DNAH6: variants seen among roughly 807,000 people sequenced by gnomAD.
The protein encoded by DNAH6 is dynein axonemal heavy chain 6, also known as axonemal beta dynein heavy chain 6.
Under a neutral mutation model 491.4 loss-of-function variants are expected in DNAH6, and 340 were observed. The ratio of observed to expected loss-of-function variants is 0.69; its 90% CI spans 0.63 to 0.76. The LOEUF is 0.76. Ranked by LOEUF, DNAH6 falls within the 30% of genes least tolerant of loss-of-function variation. The pLI is 0.00. For missense variants in DNAH6, 4,443 were observed against 4,972.2 expected (o/e 0.89, Z 3.20); for synonymous variants, 1,603 against 1,686.1 (o/e 0.95, Z 1.21).
the DNAH6 span, among the ~76,000 whole-genome samples, chr2:84,466,742 T>C: frequency 1.3e-5 from 2 of 152,354 alleles, no homozygotes; most frequent in East Asian, 3.9e-4. Flanking sequence ...AGTTCTATAA[T>C]TGATTATAAA....
In DNAH6 at chr2:84,577,384, T is replaced by G; in HGVS notation, c.2052T>G (p.Ile684Met). The change falls in exon 13 of 77, where the codon ATT becomes ATG. Residue 684 changes from isoleucine (I) to methionine (M), a missense_variant. Transcript: ENST00000389394. The stretch of plus-strand genomic sequence containing the variant: ...CTAGGCTTCTAAGAGAAAAATTAAT[T>G]CCATCACCTTTGCGATGCTTAGAGG... ...IDTRLLREKLIPSPLRCLEVL... is the reference protein window; with the variant it reads ...IDTRLLREKLMPSPLRCLEVL... 1 of 1,606,696 alleles carries G rather than the reference T, an allele frequency of 6.2e-7. No homozygotes were observed. The highest frequency in any genetic ancestry group is 8.5e-7 in the Non-Finnish European group (1 of 1,176,920).
chr2:84,519,760 C>G (rs1016371831), intron 2 of DNAH6, among the ~76,000 whole-genome samples: 4 of 151,730 alleles, frequency 2.6e-5, no homozygotes, highest in African/African-American at 9.7e-5. Flanking sequence ...TCCCCAATCT[C>G]TGACCCCCTT....
At chr2:84,703,276 C>A in intron 49 of DNAH6, 119 bp from the exon 50 acceptor site, 2 of 737,776 alleles carry the variant, frequency 2.7e-6, no homozygotes, top group Non-Finnish European at 4.1e-6. Context: ...TGAATTATTA[C>A]AAACTGATTT....
Position 84,787,286 on chromosome 2 carries a change from A to C in DNAH6, c.11223A>C (p.Ala3741=), listed in dbSNP as rs756263628. Reference sequence around the variant, plus strand: ...AAGAAGGAAAGATTCCCTGGGATGCACTAATTTACATTACTGGTGAGTACG... The same window carrying C: ...AAGAAGGAAAGATTCCCTGGGATGCCCTAATTTACATTACTGGTGAGTACG... The part of the protein sequence containing the change: ...YCKEGKIPWD[A]LIYITGEITY... The change falls in exon 68 of 77, where the codon GCA becomes GCC. Residue 3741 remains alanine, a synonymous_variant. Coordinates refer to ENST00000389394, the MANE Select transcript of DNAH6 (RefSeq NM_001370.2). 1.9e-6 allele frequency: 3 copies of C among 1,548,928 alleles called. No homozygotes were observed. Among genetic ancestry groups the C allele is most frequent in the Non-Finnish European group, 2.6e-6 (3 of 1,145,854 alleles).
At chr2:84,570,937 G>A (rs1481305057) in intron 11 of DNAH6, among the ~76,000 whole-genome samples, 2 of 152,178 alleles carry the variant, frequency 1.3e-5, no homozygotes, top group East Asian at 1.9e-4. Flanking sequence ...CCCGCTGGGA[G>A]GAACAAACAA....
chr2:84,459,787 A>T, the DNAH6 span: 1 of 152,504 alleles, frequency 6.6e-6, no homozygotes, highest in African/African-American at 2.4e-5. Context: ...CTGTGCCTGG[A>T]CCCGGAAGGG....
chr2:84,611,653 G>A (rs990650534), intron 21 of DNAH6, 21 bp from the exon 22 acceptor site: 2 of 1,537,112 alleles, frequency 1.3e-6, no homozygotes, highest in African/African-American at 1.4e-5. Context: ...AAATTTGACA[G>A]TGTCCATATT....
At position 84,815,843 on chromosome 2, in the gene DNAH6, C is replaced by T. The variant is rs993014034; in HGVS notation, c.12151-18C>T. The T allele has an allele frequency of 6.5e-7, 1 of 1,535,332 alleles. No homozygotes were observed. Among genetic ancestry groups the T allele is most frequent in the African/African-American group, 1.4e-5 (1 of 72,614 alleles). ...CCTTTTCCCCCATCTCACTTTGAGA[C>T]TTGTGGGTATCTTTCAGTTGCCCTC... On this transcript the variant is annotated intron_variant, in intron 75 of 76. Coordinates refer to ENST00000389394, the MANE Select transcript of DNAH6 (RefSeq NM_001370.2).
chr2:84,655,154 A>C (rs1467807816), intron 35 of DNAH6, among the ~76,000 whole-genome samples: 1 of 152,136 alleles, frequency 6.6e-6, no homozygotes, highest in Non-Finnish European at 1.5e-5. Flanking sequence ...AAAATGAAGA[A>C]AAAGAATATT....
chr2:84,596,807 A>C (rs1684634515), intron 18 of DNAH6, among the ~76,000 whole-genome samples: 1 of 152,152 alleles, frequency 6.6e-6, no homozygotes, highest in African/African-American at 2.4e-5. Context: ...ACACTTTCCC[A>C]AGTTGTTTAG....
intron 74 of DNAH6, 80 bp from the exon 75 acceptor site, chr2:84,813,891 C>T: frequency 2.8e-6 from 4 of 1,445,358 alleles, no homozygotes; most frequent in Non-Finnish European, 3.8e-6. Flanking sequence ...GCCAGGGCAG[C>T]CTGGTTTGGA....
chr2:84,573,684 G>T (rs78902083), intron 12 of DNAH6, 97 bp downstream of exon 12: 2 of 1,096,678 alleles, frequency 1.8e-6, no homozygotes, highest in African/African-American at 1.6e-5. Context: ...GGACACAAAT[G>T]GTAGCCCAAA....
intron 28 of DNAH6, 42 bp from the exon 29 acceptor site, chr2:84,624,860 G>T: frequency 6.7e-7 from 1 of 1,498,274 alleles, no homozygotes; most frequent in South Asian, 1.3e-5. Flanking sequence ...TTTGTGGCCA[G>T]AGTTGGTTCC....
At chr2:84,595,590 C>T (rs1684500449) in intron 17 of DNAH6, 56 bp from the exon 18 acceptor site, 18 of 1,440,984 alleles carry the variant, frequency 1.2e-5, no homozygotes, top group Non-Finnish European at 1.5e-5. Flanking sequence ...GTATTTCAAA[C>T]CTGACTTTTA....
At chr2:84,722,496 G>A (rs1473348598) in intron 59 of DNAH6, 129 bp from the exon 60 acceptor site, 3 of 723,516 alleles carry the variant, frequency 4.1e-6, no homozygotes, top group African/African-American at 1.9e-5. Context: ...TCCACCTGGG[G>A]ACCCCTTATT....
intron 31 of DNAH6, among the ~76,000 whole-genome samples, chr2:84,639,292 T>C (rs909105430): frequency 6.6e-6 from 1 of 152,156 alleles, no homozygotes; most frequent in African/African-American, 2.4e-5. Flanking sequence ...ATGTTTTCCA[T>C]ATCTCATGCT....
intron 16 of DNAH6, among the ~76,000 whole-genome samples, chr2:84,590,431 G>T (rs1333100229): frequency 7.0e-6 from 1 of 143,870 alleles, no homozygotes. Flanking sequence ...GGAGGTGGAG[G>T]TTGCAGTGAG....
At chr2:84,696,203 T>G (rs1695366081) in intron 46 of DNAH6, among the ~76,000 whole-genome samples, 2 of 151,850 alleles carry the variant, frequency 1.3e-5, no homozygotes, top group South Asian at 4.1e-4. Context: ...GCAAATATTT[T>G]CTAATACTAC....
intron 54 of DNAH6, among the ~76,000 whole-genome samples, chr2:84,708,289 A>T (rs6740956): frequency 0.037 from 5,588 of 151,446 alleles, 118 homozygotes; most frequent in Middle Eastern, 0.092. Context: ...AAAAAAAAAT[A>T]CAAAAATTAG....
Sources: allele counts gnomAD v4.1 joint callset (sites outside exome capture counted in the v4.1 genomes callset), GRCh38; gene constraint gnomAD v4.1.1; transcripts MANE v1.5; gene names NCBI Gene and HGNC (gene_info 2026-07-23, HGNC 2026-07-21).